Variants in CDKAL1 observed in about 807,000 individuals in gnomAD.
CDKAL1 encodes threonylcarbamoyladenosine tRNA methylthiotransferase.
Under a neutral mutation model 68.2 loss-of-function variants are expected in CDKAL1, and 32 were observed. The observed-to-expected ratio is 0.47, with a 90% confidence interval of 0.35 to 0.63. The LOEUF (loss-of-function observed/expected upper bound fraction) is 0.63, where lower values mean the gene tolerates loss of function less well. CDKAL1 is among the 30% of genes least tolerant of loss of function. CDKAL1 has a pLI of 0.00. For missense variants in CDKAL1, 606 were observed against 696.7 expected (o/e 0.87, Z 1.47); for synonymous variants, 234 against 244.3 (o/e 0.96, Z 0.39).
At chr6:21,016,127 G>A (rs1768314612) in intron 11 of CDKAL1, among the ~76,000 whole-genome samples, 1 of 147,592 alleles carries the variant, frequency 6.8e-6, no homozygotes, top group Non-Finnish European at 1.5e-5. Flanking sequence ...GAATGTATGA[G>A]TCATATATAT....
chr6:20,684,555 A>T (rs1475075935), intron 5 of CDKAL1, among the ~76,000 whole-genome samples: 1 of 152,244 alleles, frequency 6.6e-6, no homozygotes, highest in Non-Finnish European at 1.5e-5. Context: ...AGATCTTTTG[A>T]TAAGATATGT....
At chr6:20,841,248 T>G (rs1007501118) in intron 8 of CDKAL1, among the ~76,000 whole-genome samples, 3 of 152,198 alleles carry the variant, frequency 2.0e-5, no homozygotes, top group Non-Finnish European at 2.9e-5. Flanking sequence ...GTATTAATGC[T>G]TGAGTCCAAA....
chr6:21,215,743 T>A (rs185378612), intron 15 of CDKAL1, among the ~76,000 whole-genome samples: 1 of 152,254 alleles, frequency 6.6e-6, no homozygotes, highest in Admixed American at 6.5e-5. Flanking sequence ...GGTACAATTG[T>A]ACCCAGCAAC....
intron 12 of CDKAL1, among the ~76,000 whole-genome samples, chr6:21,083,657 G>T (rs1772534732): frequency 6.6e-6 from 1 of 152,130 alleles, no homozygotes; most frequent in Non-Finnish European, 1.5e-5. Flanking sequence ...TTTGTCAAGA[G>T]CCCCGACAAT....
intron 12 of CDKAL1, among the ~76,000 whole-genome samples, chr6:21,074,474 G>A (rs995022116): frequency 2.6e-5 from 4 of 152,086 alleles, no homozygotes; most frequent in Non-Finnish European, 5.9e-5. Flanking sequence ...TTTTTGTGGG[G>A]GATACAATTC....
chr6:20,648,833 A>G (rs1340428745), intron 4 of CDKAL1, among the ~76,000 whole-genome samples: 1 of 152,234 alleles, frequency 6.6e-6, no homozygotes, highest in Non-Finnish European at 1.5e-5. Flanking sequence ...ATAGGAATAA[A>G]AGGCCCACTT....
At chr6:20,843,752 G>C (rs1410661594) in intron 8 of CDKAL1, among the ~76,000 whole-genome samples, 1 of 152,106 alleles carries the variant, frequency 6.6e-6, no homozygotes, top group Non-Finnish European at 1.5e-5. Flanking sequence ...GATTAGGAAT[G>C]GTCAACCAAT....
intron 8 of CDKAL1, among the ~76,000 whole-genome samples, chr6:20,842,463 A>T (rs1017829851): frequency 6.6e-6 from 1 of 152,220 alleles, no homozygotes; most frequent in African/African-American, 2.4e-5. Context: ...CTTTCTTAAG[A>T]TAATATACAG....
intron 12 of CDKAL1, among the ~76,000 whole-genome samples, chr6:21,068,965 T>A (rs1414591492): frequency 6.6e-6 from 1 of 152,212 alleles, no homozygotes; most frequent in Non-Finnish European, 1.5e-5. Context: ...CCATTGATAC[T>A]ATTGAAATGA....
chr6:21,000,302 G>A lies in CDKAL1; in HGVS notation c.985G>A (p.Val329Ile), dbSNP rs145084016. The A allele has an allele frequency of 2.1e-4, 335 of 1,613,520 alleles. 3 individuals are homozygous for A. The East Asian group carries it at 3.5e-3, about 17-fold the overall frequency. ...HIPVQSASDS[V>I]LMEMKREYCV... ...ACCAGTCCAGTCTGCCTCCGACAGC[G>A]TACTCATGGAAATGAAAAGAGAATA... Residue 329 changes from valine to isoleucine, a missense_variant, in exon 11 of 16, where the codon GTA becomes ATA. Transcript: ENST00000274695.
intron 8 of CDKAL1, among the ~76,000 whole-genome samples, chr6:20,804,853 G>A (rs1776501766): frequency 1.3e-5 from 2 of 152,046 alleles, no homozygotes; most frequent in East Asian, 1.9e-4. Flanking sequence ...GAGTACAAAC[G>A]CCTGCTTTCC....
At chr6:20,906,942 G>A (rs558162359) in intron 9 of CDKAL1, among the ~76,000 whole-genome samples, 1 of 152,238 alleles carries the variant, frequency 6.6e-6, no homozygotes, top group Non-Finnish European at 1.5e-5. Context: ...GATTATAACA[G>A]ATATATAACA....
chr6:21,132,162 A>G (rs1283736656), intron 13 of CDKAL1, among the ~76,000 whole-genome samples: 1 of 152,178 alleles, frequency 6.6e-6, no homozygotes, highest in African/African-American at 2.4e-5. Context: ...TTGAGGAAAT[A>G]ATCTTAGAGA....
intron 13 of CDKAL1, among the ~76,000 whole-genome samples, chr6:21,156,518 T>C (rs901024131): frequency 1.4e-4 from 22 of 152,156 alleles, no homozygotes; most frequent in African/African-American, 5.1e-4. Context: ...TTTTTTCCTT[T>C]TTGTGCTTTT....
In CDKAL1 at chr6:20,968,060, A is replaced by G. The variant is rs540592757; in HGVS notation, c.909+12475A>G. 4.0e-5 allele frequency among the ~76,000 whole-genome samples: 6 copies of G among 151,258 alleles called. No individual in the cohort carries two copies. The South Asian group carries it at 1.3e-3, about 32-fold the overall frequency. ...GTCTTTGACTTTCAACTGTTTGATT[A>G]TGATGTGTCTGGGTGTAGATCTCTT... On this transcript the variant is annotated intron_variant, in intron 10 of 15. Transcript: ENST00000274695.
intron 5 of CDKAL1, among the ~76,000 whole-genome samples, chr6:20,702,227 C>T (rs552553466): frequency 4.1e-4 from 63 of 152,310 alleles, no homozygotes; most frequent in Middle Eastern, 6.8e-3. Context: ...AGCATACAGA[C>T]GGGCAGGTCG....
chr6:20,568,618 C>A (rs1298322202), intron 4 of CDKAL1, among the ~76,000 whole-genome samples: 1 of 151,556 alleles, frequency 6.6e-6, no homozygotes, highest in Non-Finnish European at 1.5e-5. Context: ...GCCTGTAGTC[C>A]CAGCTGCTTG....
chr6:21,043,070 A>T (rs1770023287), intron 11 of CDKAL1, among the ~76,000 whole-genome samples: 1 of 152,116 alleles, frequency 6.6e-6, no homozygotes, highest in African/African-American at 2.4e-5. Flanking sequence ...CATAACTCTT[A>T]ATGTTATTAT....
At chr6:20,563,821 GCAAT>G (rs1172796590) in intron 4 of CDKAL1, among the ~76,000 whole-genome samples, 1 of 152,028 alleles carries the variant, frequency 6.6e-6, no homozygotes, top group African/African-American at 2.4e-5. Context: ...AATACTAAAA[GCAAT>G]CAAACGATTT....
Sources: allele counts gnomAD v4.1 joint callset (sites outside exome capture counted in the v4.1 genomes callset), GRCh38; gene constraint gnomAD v4.1.1; transcripts MANE v1.5; gene names NCBI Gene and HGNC (gene_info 2026-07-23, HGNC 2026-07-21).